Variants in UBP1 observed in about 807,000 individuals in gnomAD.
UBP1 encodes upstream binding protein 1, also known as upstream-binding protein 1.
Under a neutral mutation model 76.1 loss-of-function variants are expected in UBP1, and 22 were observed. The observed-to-expected ratio is 0.29, with a 90% CI of 0.21 to 0.41. The LOEUF (loss-of-function observed/expected upper bound fraction) is 0.41, where lower values mean the gene tolerates loss of function less well. Ranked by LOEUF, UBP1 falls within the 10% of genes least tolerant of loss-of-function variation. The probability of loss-of-function intolerance (pLI) is 1.00; values close to 1 mark genes in which losing one functional copy is unlikely to be tolerated. For synonymous variants in UBP1, 224 were observed against 237.1 expected, an observed-to-expected ratio of 0.94 and a Z score of 0.51; for missense variants, 436 against 668.1, an observed-to-expected ratio of 0.65 and a Z score of 3.83.
intron 15 of UBP1, chr3:33,392,338 C>A: frequency 2.2e-6 from 1 of 453,780 alleles, no homozygotes; most frequent in Non-Finnish European, 3.8e-6. Flanking sequence ...AAGACGTTGG[C>A]TGAATGAATT....
chr3:33,398,069 G>T (rs553501687), intron 11 of UBP1: 3 of 152,274 alleles, frequency 2.0e-5, no homozygotes, highest in African/African-American at 7.2e-5. Context: ...GGTAGGAGAT[G>T]GCTGCATGGG....
At chr3:33,431,989 C>T (rs796599293) in intron 1 of UBP1, among the ~76,000 whole-genome samples, 2 of 152,146 alleles carry the variant, frequency 1.3e-5, no homozygotes, top group African/African-American at 4.8e-5. Context: ...CTCTCATATC[C>T]ATTAAATAAA....
chr3:33,396,121 A>G, intron 13 of UBP1, 41 bp downstream of exon 13: 1 of 1,486,954 alleles, frequency 6.7e-7, no homozygotes, highest in African/African-American at 1.4e-5. Flanking sequence ...TCTGTCTGAC[A>G]GTCTCAGAAG....
intron 1 of UBP1, among the ~76,000 whole-genome samples, chr3:33,438,448 T>C (rs1306654632): frequency 6.6e-6 from 1 of 152,222 alleles, no homozygotes; most frequent in African/African-American, 2.4e-5. Context: ...CTGCCTCTAA[T>C]ACTCCCCTCT....
At chr3:33,406,525 G>T (rs1350182440) in intron 8 of UBP1, among the ~76,000 whole-genome samples, 1 of 152,130 alleles carries the variant, frequency 6.6e-6, no homozygotes, top group African/African-American at 2.4e-5. Context: ...TAAACTTTTT[G>T]TAATTATTGC....
rs1294932646 is a variant in UBP1, at chr3:33,388,653, C to A, written c.*1678G>T. On this transcript the variant is annotated 3_prime_UTR_variant, in exon 16 of 16. Coordinates refer to ENST00000283629, the MANE Select transcript of UBP1 (RefSeq NM_014517.5). The stretch of plus-strand genomic sequence containing the variant: ...TAAAACAAACGAGATAAACTCACTT[C>A]TTTCCCCAGTGACTGGTACAGAAAA... 6.6e-6 allele frequency: 1 copy of A among 152,190 alleles called. No individual in the cohort carries two copies. Among genetic ancestry groups the A allele is most frequent in the Non-Finnish European group, 1.5e-5 (1 of 68,032 alleles). The allele number at this position is 152,190 out of a possible 1,614,324, so 9.4% of individuals were successfully genotyped here.
At chr3:33,419,271 G>A (rs2044819206) in intron 2 of UBP1, among the ~76,000 whole-genome samples, 2 of 152,152 alleles carry the variant, frequency 1.3e-5, no homozygotes, top group Non-Finnish European at 2.9e-5. Flanking sequence ...AGGGCAGGCA[G>A]ATTACTTGAG....
At chr3:33,392,961 C>T (rs1057002611) in intron 14 of UBP1, 2 of 314,484 alleles carry the variant, frequency 6.4e-6, no homozygotes, top group South Asian at 9.8e-5. Flanking sequence ...ATATATCTTA[C>T]ATGTTTTTTT....
chr3:33,431,393 A>C (rs1321153313), intron 1 of UBP1, among the ~76,000 whole-genome samples: 1 of 152,178 alleles, frequency 6.6e-6, no homozygotes, highest in Non-Finnish European at 1.5e-5. Flanking sequence ...CAGAATAAAT[A>C]AGAAATACAC....
chr3:33,416,909 T>C (rs1329972235), intron 2 of UBP1, 75 bp from the exon 3 acceptor site: 2 of 1,268,022 alleles, frequency 1.6e-6, no homozygotes, highest in East Asian at 2.4e-5. Flanking sequence ...TCAAAATGCA[T>C]GTTTCTCAGA....
At chr3:33,399,316 C>G (rs778739232) in intron 11 of UBP1, among the ~76,000 whole-genome samples, 1 of 152,208 alleles carries the variant, frequency 6.6e-6, no homozygotes, top group African/African-American at 2.4e-5. Flanking sequence ...TACTGTCCCT[C>G]TAAACAGGTT....
intron 2 of UBP1, among the ~76,000 whole-genome samples, chr3:33,424,321 T>C (rs1463159097): frequency 6.6e-6 from 1 of 152,348 alleles, no homozygotes; most frequent in African/African-American, 2.4e-5. Flanking sequence ...TCTAAACTTA[T>C]ATATCAAATG....
At chr3:33,395,695 C>G (rs2043951519) in intron 13 of UBP1, among the ~76,000 whole-genome samples, 1 of 130,058 alleles carries the variant, frequency 7.7e-6, no homozygotes. Flanking sequence ...CATGCAGGCA[C>G]TGTTGCACAT....
At chr3:33,417,021 A>G (rs1467268562) in intron 2 of UBP1, among the ~76,000 whole-genome samples, 187 bp from the exon 3 acceptor site, 1 of 152,204 alleles carries the variant, frequency 6.6e-6, no homozygotes, top group African/African-American at 2.4e-5. Context: ...TTCTAACATT[A>G]TTACAGGAGA....
At chr3:33,430,810 A>G (rs2154059682) in intron 1 of UBP1, among the ~76,000 whole-genome samples, 1 of 152,234 alleles carries the variant, frequency 6.6e-6, no homozygotes, top group East Asian at 1.9e-4. Flanking sequence ...GCCCAAGAAC[A>G]ACCAGGTAAC....
intron 2 of UBP1, among the ~76,000 whole-genome samples, chr3:33,424,384 G>T (rs934569800): frequency 6.6e-6 from 1 of 152,166 alleles, no homozygotes; most frequent in Non-Finnish European, 1.5e-5. Context: ...ACATGTAAAA[G>T]TCTAAAATCT....
At chr3:33,396,916 A>G (rs768574919) in intron 12 of UBP1, 129 bp downstream of exon 12, 2 of 835,920 alleles carry the variant, frequency 2.4e-6, no homozygotes, top group Non-Finnish European at 4.0e-6. Context: ...TGTGAGCACA[A>G]TGCTGCCAAT....
intron 1 of UBP1, among the ~76,000 whole-genome samples, chr3:33,435,099 G>A (rs2045184356): frequency 1.3e-5 from 2 of 152,164 alleles, no homozygotes; most frequent in African/African-American, 4.8e-5. Flanking sequence ...GCCAACCTTA[G>A]CTTTACAGTA....
chr3:33,398,665 T>C lies in UBP1; in HGVS notation c.1180+1524A>G, dbSNP rs549644138. 5.9e-5 allele frequency among the ~76,000 whole-genome samples: 9 copies of C among 152,220 alleles called. No homozygotes were observed. The East Asian group carries it at 1.7e-3, about 29-fold the overall frequency. Reference sequence around the variant, plus strand: ...ACTTTCTTGGAAGAAGCCCCCAGGATAAGGAAAAGGCAGAAGGCCACGCCA... The same window carrying C: ...ACTTTCTTGGAAGAAGCCCCCAGGACAAGGAAAAGGCAGAAGGCCACGCCA... On this transcript the variant is annotated intron_variant, in intron 11 of 15. Coordinates refer to ENST00000283629, the MANE Select transcript of UBP1 (RefSeq NM_014517.5).
Sources: allele counts gnomAD v4.1 joint callset (sites outside exome capture counted in the v4.1 genomes callset), GRCh38; gene constraint gnomAD v4.1.1; transcripts MANE v1.5; gene names NCBI Gene and HGNC (gene_info 2026-07-23, HGNC 2026-07-21).